NOL10: variants seen among roughly 807,000 people sequenced by gnomAD.
NOL10 encodes the protein H_NH0074G24.1.
NOL10 carries 58 observed loss-of-function variants against 103.5 expected under a neutral mutation model. The ratio of observed to expected loss-of-function variants is 0.56; its 90% confidence interval spans 0.45 to 0.70. The LOEUF (loss-of-function observed/expected upper bound fraction) is 0.70, where lower values mean the gene tolerates loss of function less well. Ranked by LOEUF, NOL10 falls within the 30% of genes least tolerant of loss-of-function variation. NOL10 has a pLI of 0.00. For missense variants in NOL10, 763 were observed against 807.3 expected, an observed-to-expected ratio of 0.95 and a Z score of 0.67; for synonymous variants, 287 against 282.5, an observed-to-expected ratio of 1.02 and a Z score of -0.16.
intron 11 of NOL10, among the ~76,000 whole-genome samples, chr2:10,656,766 T>C (rs1348936946): frequency 2.0e-5 from 3 of 152,228 alleles, no homozygotes; most frequent in Non-Finnish European, 4.4e-5. Context: ...ATGGGAATTT[T>C]TTAAAAGTGA....
chr2:10,620,000 A>G (rs1250356030), intron 13 of NOL10, among the ~76,000 whole-genome samples: 2 of 152,242 alleles, frequency 1.3e-5, no homozygotes, highest in African/African-American at 2.4e-5. Context: ...GCACACGCAC[A>G]CATGCCCCAA....
chr2:10,682,048 A>C lies in NOL10; in HGVS notation c.134T>G (p.Leu45Arg). Residue 45 changes from leucine (L) to arginine (R), a missense_variant, in exon 3 of 21, where the codon CTT becomes CGT. Leu to Arg is a moderately radical substitution (Grantham distance 102, BLOSUM62 -2). Coordinates refer to ENST00000381685, the MANE Select transcript of NOL10 (RefSeq NM_024894.4). Reference protein sequence around the residue: ...KDVDVRRRIELIQDFEMPTVC... With the variant: ...KDVDVRRRIERIQDFEMPTVC... ...AGTAGGCATTTCAAAGTCCTGAATA[A>C]GTTCAATTCTCCTACGGACATCTAA... The C allele has an allele frequency of 6.6e-7, 1 of 1,515,668 alleles. No individual in the cohort carries two copies. Among genetic ancestry groups the C allele is most frequent in the Non-Finnish European group, 8.9e-7 (1 of 1,127,560 alleles). 93.9% of individuals were successfully genotyped at this position (1,515,668 alleles called of 1,614,324 possible). A position where few individuals can be genotyped will look rare whatever the true frequency, so the allele number is the denominator to read the frequency against.
intron 6 of NOL10, among the ~76,000 whole-genome samples, chr2:10,670,732 C>T (rs1680876481): frequency 6.6e-6 from 1 of 151,536 alleles, no homozygotes; most frequent in Non-Finnish European, 1.5e-5. Flanking sequence ...GAGACTCCCT[C>T]TCAAAAAAAG....
At chr2:10,631,102 A>C (rs10084172) in intron 13 of NOL10, among the ~76,000 whole-genome samples, 46,659 of 152,062 alleles carry the variant, frequency 0.31, 7,911 homozygotes, top group Non-Finnish European at 0.39. Context: ...GTGATCTATC[A>C]TTTTTAGGAT....
At chr2:10,581,577 A>G (rs1461430595) in intron 19 of NOL10, among the ~76,000 whole-genome samples, 1 of 152,236 alleles carries the variant, frequency 6.6e-6, no homozygotes, top group Non-Finnish European at 1.5e-5. Context: ...CTGCAATTCC[A>G]GCATTTTGGG....
Position 10,570,813 on chromosome 2 carries a change from TTA to T in NOL10, c.*1256_*1257del, listed in dbSNP as rs1257560361. ...TTTATAAATGTTTCCTCCAGTAAGT[TTA>T]TGTTTGACTGTACTTAAGAAACAGG... On this transcript the variant is annotated 3_prime_UTR_variant, in exon 21 of 21. Coordinates refer to ENST00000381685, the MANE Select transcript of NOL10 (RefSeq NM_024894.4). 1 of 151,086 alleles carries T rather than the reference TTA, an allele frequency of 6.6e-6. No homozygotes were observed. Among genetic ancestry groups the T allele is most frequent in the Non-Finnish European group, 1.5e-5 (1 of 68,004 alleles). The allele number at this position is 151,086 out of a possible 1,614,324, so 9.4% of individuals were successfully genotyped here.
chr2:10,687,277 T>A (rs1682279961), intron 1 of NOL10, among the ~76,000 whole-genome samples: 1 of 152,186 alleles, frequency 6.6e-6, no homozygotes, highest in Non-Finnish European at 1.5e-5. Flanking sequence ...TCAAGGGCGC[T>A]CTGCATCATG....
At chr2:10,680,791 TG>T (rs1488495136) in intron 3 of NOL10, among the ~76,000 whole-genome samples, 1 of 152,206 alleles carries the variant, frequency 6.6e-6, no homozygotes, top group East Asian at 1.9e-4. Context: ...AAAAAATGTT[TG>T]GACAATATAC....
chr2:10,681,292 AAAG>A (rs1182789665), intron 3 of NOL10, among the ~76,000 whole-genome samples: 9 of 152,212 alleles, frequency 5.9e-5, no homozygotes, highest in African/African-American at 1.9e-4. Flanking sequence ...TAAAAAAAAA[AAAG>A]AAGCTATTGA....
At position 10,577,718 on chromosome 2, in the gene NOL10, A is replaced by C. The variant is rs1454143217; in HGVS notation, c.1865T>G (p.Leu622Trp). The C allele has an allele frequency of 6.2e-7, 1 of 1,610,592 alleles. No homozygotes were observed. The highest frequency in any genetic ancestry group is 1.7e-5 in the Admixed American group (1 of 59,698). Residue 622 changes from leucine to tryptophan, a missense_variant, in exon 20 of 21, where the codon TTG becomes TGG. By Grantham distance (61) the Leu-to-Trp change is moderately conservative. Transcript: ENST00000381685. The part of the protein sequence containing the change: ...KLMNKTLEDR[L>W]KIEAKNGTLS... ...TGTCCCATTTTTTGCTTCAATTTTC[A>C]AACGATCTTCAAGGGTTTTGCTATG...
At chr2:10,582,717 C>CG (rs1183976530) in intron 19 of NOL10, among the ~76,000 whole-genome samples, 1 of 152,178 alleles carries the variant, frequency 6.6e-6, no homozygotes, top group African/African-American at 2.4e-5. Context: ...ACCTGGTACT[C>CG]GGGCCCACTG....
intron 19 of NOL10, among the ~76,000 whole-genome samples, chr2:10,583,951 G>C (rs923237737): frequency 6.6e-6 from 1 of 152,206 alleles, no homozygotes; most frequent in Admixed American, 6.5e-5. Context: ...CTAGGGGAGG[G>C]GTTGGAATAG....
At chr2:10,611,443 G>A (rs1158804727) in intron 13 of NOL10, among the ~76,000 whole-genome samples, 1 of 152,180 alleles carries the variant, frequency 6.6e-6, no homozygotes, top group Non-Finnish European at 1.5e-5. Flanking sequence ...AAATTATCAT[G>A]TATTCCTGTA....
chr2:10,579,634 C>T (rs1211037731), intron 19 of NOL10, among the ~76,000 whole-genome samples: 1 of 151,000 alleles, frequency 6.6e-6, no homozygotes, highest in East Asian at 1.9e-4. Flanking sequence ...ATTATGTGAG[C>T]CTCAGCAAAT....
chr2:10,667,179 A>C (rs1680619683), intron 8 of NOL10, 39 bp downstream of exon 8: 1 of 1,454,728 alleles, frequency 6.9e-7, no homozygotes, highest in East Asian at 2.5e-5. Context: ...ATCAAATATA[A>C]AACAAATATT....
chr2:10,658,858 C>T (rs759772665), intron 10 of NOL10, among the ~76,000 whole-genome samples: 3 of 152,152 alleles, frequency 2.0e-5, no homozygotes, highest in South Asian at 2.1e-4. Flanking sequence ...GTGGGGGGAT[C>T]GCCTGAGCCC....
intron 20 of NOL10, among the ~76,000 whole-genome samples, chr2:10,573,436 C>A (rs1674288474): frequency 6.6e-6 from 1 of 152,114 alleles, no homozygotes; most frequent in Admixed American, 6.5e-5. Context: ...TTGTGATCCA[C>A]CCACCTTGGC....
chr2:10,607,076 G>A, intron 14 of NOL10, 109 bp downstream of exon 14: 1 of 599,786 alleles, frequency 1.7e-6, no homozygotes, highest in South Asian at 4.3e-5. Flanking sequence ...AGAAAGGGAA[G>A]ATTTAGGAGA....
chr2:10,574,583 C>A (rs1340444918), intron 20 of NOL10, among the ~76,000 whole-genome samples: 1 of 144,582 alleles, frequency 6.9e-6, no homozygotes. Flanking sequence ...GGAGGTGGAG[C>A]GTGCATTGAG....
Sources: allele counts gnomAD v4.1 joint callset (sites outside exome capture counted in the v4.1 genomes callset), GRCh38; gene constraint gnomAD v4.1.1; transcripts MANE v1.5; gene names NCBI Gene and HGNC (gene_info 2026-07-23, HGNC 2026-07-21).